ANK3: variants seen among roughly 807,000 people sequenced by gnomAD.
ANK3 encodes ankyrin 3.
A neutral mutation model predicts 370.9 loss-of-function variants in ANK3; 57 were observed. The observed-to-expected ratio is 0.15, with a 90% CI of 0.12 to 0.19. ANK3 has a LOEUF of 0.19. Among genes scored for constraint, ANK3 ranks in the 10% least tolerant of loss-of-function variants. ANK3 has a pLI of 1.00. For missense variants in ANK3, 4,439 were observed against 5,302.1 expected (o/e 0.84, Z 5.06); for synonymous variants, 1,929 against 1,946.3 (o/e 0.99, Z 0.23).
chr10:60,292,661 G>C (rs1354204629), intron 1 of ANK3, among the ~76,000 whole-genome samples: 2 of 151,248 alleles, frequency 1.3e-5, no homozygotes, highest in Non-Finnish European at 2.9e-5. Context: ...TTGGGAGAAG[G>C]CATGTGCTGA....
chr10:60,103,229 C>T (rs893220401), intron 28 of ANK3, among the ~76,000 whole-genome samples: 2 of 151,888 alleles, frequency 1.3e-5, no homozygotes, highest in African/African-American at 2.4e-5. Context: ...GGATTACAGG[C>T]GTGAACCACA....
chr10:60,658,043 G>A lies in ANK3; in HGVS notation c.58-42819C>T, dbSNP rs565570125. 9.7e-5 allele frequency among the ~76,000 whole-genome samples: 14 copies of A among 144,232 alleles called. No individual in the cohort carries two copies. The East Asian group carries it at 1.2e-3, about 12-fold the overall frequency. The allele number at this position is 144,232 out of a possible 152,430, so 94.6% of individuals were successfully genotyped here. On this transcript the variant is annotated intron_variant, in intron 1 of 43. Coordinates refer to the ANK3 transcript ENST00000373827. ...TTTTTTTTTTTTTGCTGTTTCCATG[G>A]TGTATTATTTTCCACCCTTTTATTG...
intron 42 of ANK3, among the ~76,000 whole-genome samples, chr10:60,049,683 AAT>A (rs1334028650): frequency 6.6e-6 from 1 of 152,210 alleles, no homozygotes; most frequent in African/African-American, 2.4e-5. Flanking sequence ...GTTCTTAATA[AAT>A]ATGTTAATAT....
chr10:60,309,579 A>AGGG (rs1029634489), intron 1 of ANK3, among the ~76,000 whole-genome samples: 1 of 152,098 alleles, frequency 6.6e-6, no homozygotes, highest in Non-Finnish European at 1.5e-5. Context: ...ACATTACTCC[A>AGGG]GGGGGGTGTT....
chr10:60,287,503 C>T (rs2040287174), intron 1 of ANK3, among the ~76,000 whole-genome samples: 1 of 152,154 alleles, frequency 6.6e-6, no homozygotes, highest in Non-Finnish European at 1.5e-5. Context: ...AGGAAAATAG[C>T]TGCAATTAAA....
chr10:60,595,576 G>A (rs767078565), intron 2 of ANK3, among the ~76,000 whole-genome samples: 32 of 152,128 alleles, frequency 2.1e-4, no homozygotes, highest in Non-Finnish European at 3.8e-4. Flanking sequence ...AAGAGCAACT[G>A]GAGTAGTTAG....
Position 60,073,247 on chromosome 10 carries a change from G to C in ANK3, c.7634C>G (p.Ser2545Cys), listed in dbSNP as rs2083101013. The C allele has an allele frequency of 6.2e-7, 1 of 1,613,994 alleles. No individual in the cohort carries two copies. Among genetic ancestry groups the C allele is most frequent in the African/African-American group, 1.3e-5 (1 of 74,912 alleles). Residue 2545 changes from serine to cysteine, a missense_variant, in exon 37 of 44, where the codon TCT (serine) becomes TGT (cysteine). Transcript: ENST00000280772. ...ATGTTTTGGACTACTAACATTGCCA[G>C]AATAGTGCAACACTGTCACTTTATC... ...HFDKVTVLHY[S>C]GNVSSPKHAM...
intron 2 of ANK3, among the ~76,000 whole-genome samples, chr10:60,550,526 A>T (rs573626668): frequency 3.3e-5 from 5 of 152,104 alleles, no homozygotes; most frequent in African/African-American, 1.2e-4. Flanking sequence ...GGCTATATAA[A>T]TTTCTTCTTT....
At chr10:60,480,572 A>C (rs920551565) in intron 2 of ANK3, among the ~76,000 whole-genome samples, 2 of 152,314 alleles carry the variant, frequency 1.3e-5, no homozygotes, top group African/African-American at 4.8e-5. Context: ...GTCATTCAGC[A>C]AATATCTCTT....
intron 38 of ANK3, 63 bp from the exon 39 acceptor site, chr10:60,064,351 A>G: frequency 6.1e-6 from 9 of 1,470,646 alleles, no homozygotes; most frequent in Non-Finnish European, 8.2e-6. Context: ...GTTTCATAAA[A>G]GTAATGCTCA....
At position 60,480,591 on chromosome 10, in the gene ANK3, T is replaced by A. The variant is rs963926502; in HGVS notation, c.96+134595A>T. Among the ~76,000 whole-genome samples the A allele has an allele frequency of 3.3e-5, 5 of 152,176 alleles. No homozygotes were observed. The East Asian group carries it at 9.6e-4, about 29-fold the overall frequency. Reference sequence around the variant, plus strand: ...TTCAGCAAATATCTCTTAAGCACTTTGTTAGAAATTGGAAAGACAATGATA... The same window carrying A: ...TTCAGCAAATATCTCTTAAGCACTTAGTTAGAAATTGGAAAGACAATGATA... On this transcript the variant is annotated intron_variant, in intron 2 of 43. Transcript: ENST00000373827.
chr10:60,369,320 A>G (rs2059807972), intron 1 of ANK3, among the ~76,000 whole-genome samples: 1 of 152,228 alleles, frequency 6.6e-6, no homozygotes, highest in Admixed American at 6.5e-5. Flanking sequence ...TTATGAGATG[A>G]AAGTAAACAT....
intron 1 of ANK3, among the ~76,000 whole-genome samples, chr10:60,656,461 G>T (rs745402212): frequency 1.3e-5 from 2 of 151,324 alleles, no homozygotes; most frequent in South Asian, 4.2e-4. Flanking sequence ...ATCCACTTTT[G>T]GTTTCACTGA....
At chr10:60,117,764 A>C (rs2132123856) in intron 25 of ANK3, among the ~76,000 whole-genome samples, 1 of 152,314 alleles carries the variant, frequency 6.6e-6, no homozygotes, top group East Asian at 1.9e-4. Flanking sequence ...CAGTGAGCCG[A>C]GATTGCGCCA....
chr10:60,392,405 C>T (rs1404104827), upstream of ANK3, among the ~76,000 whole-genome samples: 1 of 152,180 alleles, frequency 6.6e-6, no homozygotes, highest in East Asian at 1.9e-4. Flanking sequence ...AATCGTCCAA[C>T]TGGTACAAGC....
At chr10:60,491,450 G>A (rs1567087653) in intron 2 of ANK3, among the ~76,000 whole-genome samples, 1 of 152,110 alleles carries the variant, frequency 6.6e-6, no homozygotes, top group Non-Finnish European at 1.5e-5. Context: ...CATTTTCAAG[G>A]CATTTGAGAG....
chr10:60,615,431 C>T (rs540091295), intron 1 of ANK3, among the ~76,000 whole-genome samples: 6 of 149,960 alleles, frequency 4.0e-5, no homozygotes, highest in Non-Finnish European at 8.9e-5. Flanking sequence ...TAGATAACTA[C>T]AAAATAAAGA....
Position 60,438,770 on chromosome 10 carries a change from T to C in ANK3, c.97-159131A>G, listed in dbSNP as rs139486972. On this transcript the variant is annotated intron_variant, in intron 2 of 43. Coordinates refer to the ANK3 transcript ENST00000373827. The stretch of plus-strand genomic sequence containing the variant: ...CTCTATAATTTACCATAAGGGAAAG[T>C]GCATCAGACCTCTGAGATATTTCCC... 1.4e-4 allele frequency among the ~76,000 whole-genome samples: 21 copies of C among 152,362 alleles called. No homozygotes were observed. The East Asian group carries it at 2.7e-3, about 20-fold the overall frequency.
Position 60,361,032 on chromosome 10 carries a change from A to G in ANK3, c.114+28393T>C, listed in dbSNP as rs528778405. On this transcript the variant is annotated intron_variant, in intron 1 of 43. Coordinates refer to ENST00000280772, the MANE Select transcript of ANK3 (RefSeq NM_020987.5). ...CAGATAGATTTTCTGAATTAATACA[A>G]TGTAAAAATCTTTACTAGTCTGAAA... 2.5e-4 allele frequency among the ~76,000 whole-genome samples: 38 copies of G among 152,314 alleles called. 1 individual carries two copies. The South Asian group carries it at 4.6e-3, about 18-fold the overall frequency.
Sources: gnomAD v4.1 joint callset for allele counts (sites outside exome capture counted in the v4.1 genomes callset) on GRCh38, gnomAD v4.1.1 for gene constraint, MANE v1.5 for transcripts, NCBI Gene and HGNC (gene_info 2026-07-23, HGNC 2026-07-21) for gene names.